NPIPB15: variants seen among roughly 807,000 people sequenced by gnomAD.
The protein encoded by NPIPB15 is nuclear pore complex-interacting protein family member B15.
NPIPB15 carries 5 observed loss-of-function variants against 35.9 expected under a neutral mutation model. The ratio of observed to expected loss-of-function variants is 0.14; its 90% CI spans 0.07 to 0.29. The LOEUF (loss-of-function observed/expected upper bound fraction) is 0.29. NPIPB15 is among the 10% of genes least tolerant of loss of function. The probability of loss-of-function intolerance (pLI) is 1.00; values close to 1 mark genes in which losing one functional copy is unlikely to be tolerated. For synonymous variants in NPIPB15, 43 were observed against 182.0 expected, an observed-to-expected ratio of 0.24 and a Z score of 6.15; for missense variants, 100 against 506.1, an observed-to-expected ratio of 0.20 and a Z score of 7.70.
intron 5 of NPIPB15, among the ~76,000 whole-genome samples, chr16:74,387,226 G>A (rs1462346753): frequency 2.0e-5 from 3 of 151,000 alleles, no homozygotes; most frequent in African/African-American, 7.3e-5. Context: ...ACTTCAGTAC[G>A]GGTCGCTTTC....
rs1394073930 is a variant in NPIPB15, at chr16:74,391,743, T to C, written c.995T>C (p.Leu332Pro). 6.3e-7 allele frequency: 1 copy of C among 1,595,244 alleles called. No homozygotes were observed. The highest frequency in any genetic ancestry group is 8.6e-7 in the Non-Finnish European group (1 of 1,167,198). The change falls in exon 8 of 8, where the codon CTT becomes CCT. Residue 332 changes from leucine to proline, a missense_variant. Physicochemically the swap from Leu to Pro is moderately conservative, Grantham distance 98 (BLOSUM62 -3). Coordinates refer to ENST00000692376, the MANE Select transcript of NPIPB15 (RefSeq NM_001306094.2). ...TTTGTCCCTCTTCCACCCTCTCCTCTTCCACCCTCAGTGGATGATAATCTC... is the reference window on the plus strand; with the variant it reads ...TTTGTCCCTCTTCCACCCTCTCCTCCTCCACCCTCAGTGGATGATAATCTC... The part of the protein sequence containing the change: ...CLFVPLPPSP[L>P]PPSVDDNLKT...
intron 1 of NPIPB15, among the ~76,000 whole-genome samples, 147 bp downstream of exon 1, chr16:74,377,493 G>T (rs2142643403): frequency 6.6e-6 from 1 of 152,204 alleles, no homozygotes; most frequent in African/African-American, 2.4e-5. Flanking sequence ...TGGAGAGGGA[G>T]TATAAAGCCC....
intron 3 of NPIPB15, among the ~76,000 whole-genome samples, chr16:74,382,620 T>C (rs1294081653): frequency 6.6e-6 from 1 of 152,294 alleles, no homozygotes; most frequent in East Asian, 1.9e-4. Context: ...CTCTACATTT[T>C]GTCTTACCAT....
intron 1 of NPIPB15, among the ~76,000 whole-genome samples, chr16:74,377,599 T>G (rs1465589440): frequency 2.6e-5 from 4 of 152,070 alleles, no homozygotes; most frequent in African/African-American, 9.7e-5. Flanking sequence ...CACGCTCCCT[T>G]GCCCCACGTG....
chr16:74,377,663 G>A (rs1479297269), intron 1 of NPIPB15, among the ~76,000 whole-genome samples: 28 of 151,816 alleles, frequency 1.8e-4, no homozygotes, highest in East Asian at 2.0e-4. Context: ...TTCCACCAGC[G>A]CTTGAGAACT....
At chr16:74,379,013 T>C (rs1445645605) in intron 2 of NPIPB15, among the ~76,000 whole-genome samples, 4 of 152,162 alleles carry the variant, frequency 2.6e-5, no homozygotes, top group African/African-American at 9.7e-5. Flanking sequence ...TTGGTCAGGC[T>C]GGTTTTGAAC....
intron 3 of NPIPB15, among the ~76,000 whole-genome samples, chr16:74,382,900 A>G (rs996618247): frequency 1.4e-5 from 2 of 144,714 alleles, no homozygotes; most frequent in African/African-American, 2.5e-5. Context: ...TATAAATTGG[A>G]GGAAGCTTTT....
chr16:74,379,484 G>C (rs1289682247), intron 2 of NPIPB15, among the ~76,000 whole-genome samples: 1 of 151,968 alleles, frequency 6.6e-6, no homozygotes, highest in Non-Finnish European at 1.5e-5. Context: ...CTCAGGGGAA[G>C]TCTTCGTCTT....
chr16:74,386,551 C>G (rs1330354350), intron 5 of NPIPB15, among the ~76,000 whole-genome samples: 16 of 131,848 alleles, frequency 1.2e-4, no homozygotes, highest in African/African-American at 4.4e-4. Flanking sequence ...CTCCGCCTCC[C>G]AGGTTCAAGC....
intron 3 of NPIPB15, among the ~76,000 whole-genome samples, chr16:74,382,508 G>T (rs2012043001): frequency 6.6e-6 from 1 of 152,244 alleles, no homozygotes; most frequent in Admixed American, 6.5e-5. Flanking sequence ...CTTGCAACTG[G>T]AAAGAGATCA....
chr16:74,384,852 T>C (rs2012180869), intron 3 of NPIPB15, among the ~76,000 whole-genome samples: 1 of 151,740 alleles, frequency 6.6e-6, no homozygotes, highest in Non-Finnish European at 1.5e-5. Flanking sequence ...TGGCTAATTT[T>C]GTATTTTTAG....
intron 2 of NPIPB15, among the ~76,000 whole-genome samples, chr16:74,378,297 C>T (rs1341636200): frequency 6.6e-6 from 1 of 151,420 alleles, no homozygotes; most frequent in Non-Finnish European, 1.5e-5. Context: ...GTGGGAGGAT[C>T]GCTTGGGCCC....
At chr16:74,379,502 A>G (rs2011863164) in intron 2 of NPIPB15, among the ~76,000 whole-genome samples, 1 of 152,028 alleles carries the variant, frequency 6.6e-6, no homozygotes, top group South Asian at 2.1e-4. Flanking sequence ...CTTCACTCAC[A>G]TAAGAGTCTA....
chr16:74,382,650 G>GT (rs1192344552), intron 3 of NPIPB15, among the ~76,000 whole-genome samples: 1 of 152,282 alleles, frequency 6.6e-6, no homozygotes, highest in Non-Finnish European at 1.5e-5. Flanking sequence ...TAAAAATGTG[G>GT]TTTTCTGGGG....
At chr16:74,386,489 C>T (rs1163340220) in intron 5 of NPIPB15, among the ~76,000 whole-genome samples, 1 of 123,336 alleles carries the variant, frequency 8.1e-6, no homozygotes, top group Non-Finnish European at 1.6e-5. Flanking sequence ...GACAGAGTCT[C>T]ACTCTGTCAC....
Position 74,387,633 on chromosome 16 carries a change from C to G in NPIPB15, c.545+1884C>G, listed in dbSNP as rs1382370188. ...AGTAGTGATGTCCTCACTGGCTTCT[C>G]ATTTGCATTAAACTGTGAGCTTCTT... On this transcript the variant is annotated intron_variant, in intron 5 of 7. Coordinates refer to ENST00000692376, the MANE Select transcript of NPIPB15 (RefSeq NM_001306094.2). Among the ~76,000 whole-genome samples, 4 of 151,842 alleles carry G rather than the reference C, an allele frequency of 2.6e-5. No homozygotes were observed. In the Admixed American group the frequency reaches 2.6e-4, roughly 10 times the overall value.
At chr16:74,390,664 C>G (rs62055205) in intron 7 of NPIPB15, 20,205 of 446,232 alleles carry the variant, frequency 0.045, 77 homozygotes, top group Non-Finnish European at 0.05. Flanking sequence ...CCACATCTCT[C>G]CAGAGCTCTT....
chr16:74,385,362 C>T lies in NPIPB15; in HGVS notation c.270C>T (p.Ile90=), dbSNP rs2012222265. Residue 90 remains isoleucine, a synonymous_variant, in exon 4 of 8, where the codon ATC becomes ATT. Transcript: ENST00000692376. ...CCTAGGTGTCTTTCCTGAAGACTAT[C>T]TTCTGGTCTCGAAATGGACATGATG... The part of the protein sequence containing the change: ...SYLCVSFLKT[I]FWSRNGHDGS... 1 of 1,597,384 alleles carries T rather than the reference C, an allele frequency of 6.3e-7. No individual in the cohort carries two copies. The highest frequency in any genetic ancestry group is 2.2e-5 in the East Asian group (1 of 44,828).
rs1395416343 is a variant in NPIPB15, at chr16:74,381,077, A to G, written c.67-439A>G. On this transcript the variant is annotated intron_variant, in intron 2 of 7. Transcript: ENST00000692376. ...AGAATGGCTTGAGCCCAGGAGCTGG[A>G]GGTTGCAGTGAGCCGAGATTGCACC... Among the ~76,000 whole-genome samples the G allele has an allele frequency of 2.2e-5, 3 of 135,888 alleles. No homozygotes were observed. The South Asian group carries it at 7.0e-4, about 32-fold the overall frequency. 89.1% of individuals were successfully genotyped at this position (135,888 alleles called of 152,430 possible).
Sources: gnomAD v4.1 joint callset for allele counts (sites outside exome capture counted in the v4.1 genomes callset) on GRCh38, gnomAD v4.1.1 for gene constraint, MANE v1.5 for transcripts, NCBI Gene and HGNC (gene_info 2026-07-23, HGNC 2026-07-21) for gene names.